NUP93: variants seen among roughly 807,000 people sequenced by gnomAD.
NUP93 encodes nucleoporin 93.
A neutral mutation model predicts 107.8 loss-of-function variants in NUP93; 55 were observed. The observed-to-expected ratio is 0.51, with a 90% CI of 0.41 to 0.64. The LOEUF (loss-of-function observed/expected upper bound fraction) is 0.64. Among genes scored for constraint, NUP93 ranks in the 30% least tolerant of loss-of-function variants. The pLI, the probability that NUP93 is intolerant of heterozygous loss-of-function variation, is 0.00. For synonymous variants in NUP93, 390 were observed against 397.5 expected, an observed-to-expected ratio of 0.98 and a Z score of 0.22; for missense variants, 937 against 1,044.7, an observed-to-expected ratio of 0.90 and a Z score of 1.42.
intron 17 of NUP93, 55 bp from the exon 18 acceptor site, chr16:56,837,553 T>C: frequency 2.9e-6 from 4 of 1,387,170 alleles, no homozygotes; most frequent in Non-Finnish European, 4.1e-6. Context: ...TATATAGTTG[T>C]TCCTTTTATT....
At chr16:56,842,695 G>A (rs951458618) in intron 21 of NUP93, 1 of 430,858 alleles carries the variant, frequency 2.3e-6, no homozygotes, top group African/African-American at 2.1e-5. Context: ...TGGGACTACA[G>A]GTACGCACCA....
intron 1 of NUP93, chr16:56,741,727 C>G (rs1961743374): frequency 6.6e-6 from 1 of 152,082 alleles, no homozygotes; most frequent in Non-Finnish European, 1.5e-5. Flanking sequence ...TATAAAATCT[C>G]CCCCTTTGAC....
intron 17 of NUP93, 111 bp from the exon 18 acceptor site, chr16:56,837,497 T>TA (rs1205676286): frequency 2.4e-6 from 2 of 827,192 alleles, no homozygotes; most frequent in Non-Finnish European, 3.9e-6. Flanking sequence ...TGGGAGGCGG[T>TA]AAAAAATGTC....
intron 16 of NUP93, 68 bp downstream of exon 16, chr16:56,834,846 A>T (rs1963879070): frequency 2.4e-6 from 3 of 1,252,562 alleles, no homozygotes; most frequent in Non-Finnish European, 3.5e-6. Context: ...CAAAAAATAC[A>T]CTTAGATTTT....
At chr16:56,786,308 A>G (rs1387128178) in intron 3 of NUP93, among the ~76,000 whole-genome samples, 2 of 152,166 alleles carry the variant, frequency 1.3e-5, no homozygotes, top group Admixed American at 6.5e-5. Flanking sequence ...TAAGTAAAGG[A>G]AGGCTTAACT....
intron 2 of NUP93, among the ~76,000 whole-genome samples, chr16:56,753,573 T>A (rs940559207): frequency 6.6e-6 from 1 of 152,190 alleles, no homozygotes; most frequent in Non-Finnish European, 1.5e-5. Context: ...TAAATCAGAA[T>A]CTACATTTTT....
At chr16:56,792,533 C>G (rs372694646) in intron 3 of NUP93, among the ~76,000 whole-genome samples, 2 of 152,296 alleles carry the variant, frequency 1.3e-5, no homozygotes, top group African/African-American at 4.8e-5. Context: ...CTCAAGAAAC[C>G]GTTTTGTACA....
intron 20 of NUP93, 60 bp from the exon 21 acceptor site, chr16:56,841,645 T>G (rs929895314): frequency 1.9e-6 from 3 of 1,594,670 alleles, no homozygotes; most frequent in Admixed American, 3.4e-5. Flanking sequence ...CCTCCCTCCA[T>G]CTGTGGTTGG....
At chr16:56,775,226 G>A (rs1320863681) in intron 3 of NUP93, among the ~76,000 whole-genome samples, 2 of 152,102 alleles carry the variant, frequency 1.3e-5, no homozygotes, top group African/African-American at 4.8e-5. Context: ...TAATGTGTAG[G>A]TAGCTTCATA....
intron 1 of NUP93, among the ~76,000 whole-genome samples, chr16:56,730,683 C>G (rs928185288): frequency 6.6e-6 from 1 of 152,212 alleles, no homozygotes; most frequent in Non-Finnish European, 1.5e-5. Context: ...GGGAACTTAT[C>G]CCAACCCTTG....
chr16:56,746,679 G>T (rs1039731993), intron 1 of NUP93, among the ~76,000 whole-genome samples: 2 of 152,192 alleles, frequency 1.3e-5, no homozygotes, highest in Non-Finnish European at 2.9e-5. Flanking sequence ...ATTAACCTGT[G>T]CTTCATAGCT....
chr16:56,768,958 G>A (rs1213504789), intron 3 of NUP93, among the ~76,000 whole-genome samples: 13 of 152,002 alleles, frequency 8.6e-5, no homozygotes, highest in African/African-American at 2.9e-4. Context: ...GTTCAGACGT[G>A]TGCTAAGCAC....
At chr16:56,747,564 AAG>A (rs1358374183) in intron 1 of NUP93, among the ~76,000 whole-genome samples, 1 of 152,238 alleles carries the variant, frequency 6.6e-6, no homozygotes, top group Admixed American at 6.5e-5. Context: ...AAAAAAAAAA[AAG>A]AAGAATTTCT....
intron 8 of NUP93, among the ~76,000 whole-genome samples, chr16:56,825,592 T>C (rs910535067): frequency 2.0e-5 from 3 of 152,180 alleles, no homozygotes; most frequent in Non-Finnish European, 4.4e-5. Flanking sequence ...CCCTAATCCT[T>C]AACATTGGTC....
chr16:56,844,521 C>T lies in NUP93; in HGVS notation c.2372C>T (p.Thr791Ile). The T allele has an allele frequency of 2.0e-6, 3 of 1,514,750 alleles. No individual in the cohort carries two copies. The highest frequency in any genetic ancestry group is 2.6e-5 in the South Asian group (2 of 76,822). The allele number at this position is 1,514,750 out of a possible 1,614,324, so 93.8% of individuals were successfully genotyped here. A position where few individuals can be genotyped will look rare whatever the true frequency, so the allele number is the denominator to read the frequency against. Residue 791 changes from threonine to isoleucine, a missense_variant, in exon 22 of 22, where the codon ACT becomes ATT. Physicochemically the swap from Thr to Ile is moderately conservative, Grantham distance 89. Coordinates refer to ENST00000308159, the MANE Select transcript of NUP93 (RefSeq NM_014669.5). ...CAGCAACTCCGAAGTCAAGCCCGCACTCTGATTACCTTTGCTGGAATGATA... is the reference window on the plus strand; with the variant it reads ...CAGCAACTCCGAAGTCAAGCCCGCATTCTGATTACCTTTGCTGGAATGATA... ...RDSQLRSQAR[T>I]LITFAGMIPY...
chr16:56,769,044 G>T (rs1369662971), intron 3 of NUP93, among the ~76,000 whole-genome samples: 1 of 152,132 alleles, frequency 6.6e-6, no homozygotes, highest in Admixed American at 6.5e-5. Context: ...TGTCACAGAT[G>T]AGGAAGCTAA....
chr16:56,746,214 C>G lies in NUP93; in HGVS notation c.-14-2020C>G, dbSNP rs575949468. Among the ~76,000 whole-genome samples the G allele has an allele frequency of 1.9e-4, 29 of 152,212 alleles. 1 individual carries two copies. The South Asian group carries it at 5.6e-3, about 29-fold the overall frequency. On this transcript the variant is annotated intron_variant, in intron 1 of 21. Coordinates refer to ENST00000308159, the MANE Select transcript of NUP93 (RefSeq NM_014669.5). ...AATGCTTTGTTTTTCTTTTCCCTTT[C>G]TGGTGAATGACCATGGTTTCGTGTA...
At chr16:56,741,664 T>C (rs1597101393) in intron 1 of NUP93, 1 of 152,246 alleles carries the variant, frequency 6.6e-6, no homozygotes, top group East Asian at 1.9e-4. Context: ...TTGTCAGTTG[T>C]ACATTTGGAA....
intron 3 of NUP93, among the ~76,000 whole-genome samples, chr16:56,764,596 G>A (rs1039773290): frequency 2.0e-5 from 3 of 152,154 alleles, no homozygotes; most frequent in Non-Finnish European, 4.4e-5. Context: ...CTCCTTAAAT[G>A]CAGCTATATA....
Sources: allele counts gnomAD v4.1 joint callset (sites outside exome capture counted in the v4.1 genomes callset), GRCh38; gene constraint gnomAD v4.1.1; transcripts MANE v1.5; gene names NCBI Gene and HGNC (gene_info 2026-07-23, HGNC 2026-07-21).